Variants in TMEM50B observed in about 807,000 individuals in gnomAD.
TMEM50B encodes the protein transmembrane protein 50B, also known as HCV p7-trans-regulated protein 3.
Under a neutral mutation model 23.4 loss-of-function variants are expected in TMEM50B, and 14 were observed. That is an observed-to-expected ratio of 0.60 (90% confidence interval 0.39 to 0.93). The LOEUF (loss-of-function observed/expected upper bound fraction) is 0.93. Among genes scored for constraint, TMEM50B ranks in the 40% least tolerant of loss-of-function variants. The pLI, the probability that TMEM50B is intolerant of heterozygous loss-of-function variation, is 0.00. For missense variants in TMEM50B, 159 were observed against 193.0 expected (o/e 0.82, Z 1.04); for synonymous variants, 64 against 62.3 (o/e 1.03, Z -0.13).
chr21:33,464,673 C>T (rs1408069337), intron 4 of TMEM50B, among the ~76,000 whole-genome samples: 3 of 150,436 alleles, frequency 2.0e-5, no homozygotes, highest in African/African-American at 4.9e-5. Flanking sequence ...AGCATGGTGG[C>T]GCATGCCTGA....
chr21:33,458,930 C>T (rs995539566), intron 5 of TMEM50B, among the ~76,000 whole-genome samples: 3 of 152,036 alleles, frequency 2.0e-5, no homozygotes, highest in African/African-American at 7.2e-5. Context: ...AAGTGAAAGA[C>T]AAAAGAAAAA....
At chr21:33,475,940 C>T (rs765310761) in intron 1 of TMEM50B, among the ~76,000 whole-genome samples, 2 of 150,816 alleles carry the variant, frequency 1.3e-5, no homozygotes, top group Non-Finnish European at 3.0e-5. Context: ...GGCAGCAGAG[C>T]CCCCTCTAAT....
intron 8 of TMEM50B, among the ~76,000 whole-genome samples, chr21:33,438,413 T>C (rs2083977729): frequency 6.6e-6 from 1 of 152,218 alleles, no homozygotes; most frequent in Admixed American, 6.5e-5. Flanking sequence ...AATTAACTGA[T>C]TAATCAATAG....
At chr21:33,445,553 G>A (rs987912299), downstream of TMEM50B, among the ~76,000 whole-genome samples, 17 of 152,274 alleles carry the variant, frequency 1.1e-4, no homozygotes, top group Non-Finnish European at 2.1e-4. Context: ...CCTGCACTTT[G>A]GGAGGCCAAG....
chr21:33,475,908 C>G (rs2084365597), intron 1 of TMEM50B, among the ~76,000 whole-genome samples: 1 of 151,920 alleles, frequency 6.6e-6, no homozygotes, highest in Non-Finnish European at 1.5e-5. Context: ...GAGCCAAGAT[C>G]TCACCACTGC....
At chr21:33,463,851 G>A (rs2084239309) in intron 4 of TMEM50B, among the ~76,000 whole-genome samples, 1 of 152,178 alleles carries the variant, frequency 6.6e-6, no homozygotes, top group Admixed American at 6.5e-5. Flanking sequence ...CCAGGCTGTT[G>A]AGGCTGCAGT....
At chr21:33,471,854 T>G (rs1165195696) in intron 1 of TMEM50B, among the ~76,000 whole-genome samples, 2 of 150,254 alleles carry the variant, frequency 1.3e-5, no homozygotes, top group East Asian at 3.9e-4. Context: ...ACTAACATGG[T>G]GAAACCCCGT....
At chr21:33,432,842 C>T in intron 8 of TMEM50B, 1 of 1,613,578 alleles carries the variant, frequency 6.2e-7, no homozygotes, top group South Asian at 1.1e-5. Context: ...GTTTCACACT[C>T]CACCAAGCAT....
intron 4 of TMEM50B, among the ~76,000 whole-genome samples, 178 bp from the exon 5 acceptor site, chr21:33,460,683 AAAG>A (rs2084209961): frequency 6.6e-6 from 1 of 152,048 alleles, no homozygotes; most frequent in Admixed American, 6.6e-5. Flanking sequence ...AAAAACACTA[AAAG>A]AAGTTAAACC....
At position 33,456,485 on chromosome 21, in the gene TMEM50B, AGAAAC is replaced by A. The variant is rs555448854; in HGVS notation, c.374-706_374-702del. 1.2e-4 allele frequency among the ~76,000 whole-genome samples: 18 copies of A among 152,382 alleles called. No homozygotes were observed. In the South Asian group the frequency reaches 3.7e-3, roughly 32 times the overall value. ...GTTACTATCTTTATAGGAAAAGAAA[AGAAAC>A]AAAATGGAAACTACTTAAATTTTTG... On this transcript the variant is annotated intron_variant, in intron 5 of 6. Coordinates refer to ENST00000542230, the MANE Select transcript of TMEM50B (RefSeq NM_006134.7).
intron 4 of TMEM50B, among the ~76,000 whole-genome samples, chr21:33,464,552 T>C (rs1411191403): frequency 1.2e-4 from 17 of 143,524 alleles, no homozygotes; most frequent in African/African-American, 4.0e-4. Flanking sequence ...ACTCCTGTAA[T>C]CCCAGCACTT....
chr21:33,444,803 C>CAAAAAAAAAAAA (rs60816843), downstream of TMEM50B, among the ~76,000 whole-genome samples: 5 of 96,276 alleles, frequency 5.2e-5, no homozygotes, highest in Non-Finnish European at 9.5e-5. Flanking sequence ...CATCTCTTTA[C>CAAAAAAAAAAAA]AAAAAAAAAA....
downstream of TMEM50B, among the ~76,000 whole-genome samples, chr21:33,448,118 C>T (rs989745540): frequency 5.9e-5 from 9 of 152,054 alleles, no homozygotes; most frequent in South Asian, 8.3e-4. Context: ...CTCAGCCTCC[C>T]GAGTAGCTGG....
At chr21:33,461,773 C>G (rs895167666) in intron 4 of TMEM50B, among the ~76,000 whole-genome samples, 2 of 151,508 alleles carry the variant, frequency 1.3e-5, no homozygotes, top group Non-Finnish European at 2.9e-5. Context: ...CCACTACACT[C>G]TAGCCTGCGC....
chr21:33,465,509 T>A, intron 3 of TMEM50B, 100 bp from the exon 4 acceptor site: 1 of 827,834 alleles, frequency 1.2e-6, no homozygotes, highest in African/African-American at 1.8e-5. Context: ...ATTTCATAAC[T>A]AAAATCAGTA....
At chr21:33,435,806 C>T (rs1185911296) in intron 8 of TMEM50B, among the ~76,000 whole-genome samples, 1 of 145,998 alleles carries the variant, frequency 6.8e-6, no homozygotes, top group Non-Finnish European at 1.5e-5. Context: ...TCACTTGAAC[C>T]CAGGAGGCGG....
intron 1 of TMEM50B, among the ~76,000 whole-genome samples, chr21:33,479,499 A>G (rs2084406943): frequency 6.6e-6 from 1 of 152,144 alleles, no homozygotes; most frequent in East Asian, 1.9e-4. Context: ...AGAAGGTGAA[A>G]GGCACGAGAT....
At chr21:33,470,600 G>A (rs2084306009) in intron 1 of TMEM50B, among the ~76,000 whole-genome samples, 1 of 150,858 alleles carries the variant, frequency 6.6e-6, no homozygotes, top group Admixed American at 6.6e-5. Context: ...AGCTGGGCAT[G>A]ATGGCAGGCG....
chr21:33,446,671 AAAAAAAAC>A (rs1399243082), downstream of TMEM50B, among the ~76,000 whole-genome samples: 8 of 148,896 alleles, frequency 5.4e-5, no homozygotes, highest in Middle Eastern at 3.4e-3. Flanking sequence ...AAAAAAAAAA[AAAAAAAAC>A]CTCTAAGAAA....
Sources: gnomAD v4.1 joint callset for allele counts (sites outside exome capture counted in the v4.1 genomes callset) on GRCh38, gnomAD v4.1.1 for gene constraint, MANE v1.5 for transcripts, NCBI Gene and HGNC (gene_info 2026-07-23, HGNC 2026-07-21) for gene names.